The following MKX variants were observed in gnomAD, a reference collection of about 807,000 sequenced individuals.
MKX encodes the protein homeobox protein Mohawk.
MKX carries 13 observed loss-of-function variants against 36.0 expected under a neutral mutation model. The ratio of observed to expected loss-of-function variants is 0.36; its 90% CI spans 0.24 to 0.57. The LOEUF (loss-of-function observed/expected upper bound fraction) is 0.57, where lower values mean the gene tolerates loss of function less well. Among genes scored for constraint, MKX ranks in the 20% least tolerant of loss-of-function variants. The pLI, the probability that MKX is intolerant of heterozygous loss-of-function variation, is 0.79. For missense variants in MKX, 458 were observed against 456.4 expected, an observed-to-expected ratio of 1.00 and a Z score of -0.03; for synonymous variants, 176 against 178.3, an observed-to-expected ratio of 0.99 and a Z score of 0.10.
intron 5 of MKX, among the ~76,000 whole-genome samples, chr10:27,708,336 G>A (rs533338308): frequency 2.6e-5 from 4 of 151,996 alleles, no homozygotes; most frequent in Non-Finnish European, 4.4e-5. Context: ...GCCTTCTCCC[G>A]TATACCTAAG....
chr10:27,689,615 C>T (rs182520525), intron 5 of MKX, among the ~76,000 whole-genome samples: 164 of 152,140 alleles, frequency 1.1e-3, no homozygotes, highest in Non-Finnish European at 1.9e-3. Context: ...ACTCCTTGCC[C>T]GTGGGAAGGT....
chr10:27,690,723 A>T (rs1299318328), intron 5 of MKX, among the ~76,000 whole-genome samples: 1 of 152,052 alleles, frequency 6.6e-6, no homozygotes, highest in Non-Finnish European at 1.5e-5. Flanking sequence ...GGTGCAAATC[A>T]TCCTTTGTTA....
intron 5 of MKX, among the ~76,000 whole-genome samples, chr10:27,723,922 T>C (rs1168656466): frequency 6.6e-6 from 1 of 152,236 alleles, no homozygotes; most frequent in African/African-American, 2.4e-5. Context: ...CAGTTCTTAA[T>C]ACACAGGCAA....
intron 5 of MKX, among the ~76,000 whole-genome samples, chr10:27,685,592 G>C (rs1204748303): frequency 6.6e-6 from 1 of 152,056 alleles, no homozygotes; most frequent in Non-Finnish European, 1.5e-5. Flanking sequence ...GGGACTACAG[G>C]CGCCCGCCAC....
intron 5 of MKX, among the ~76,000 whole-genome samples, chr10:27,676,386 T>C (rs886621667): frequency 6.7e-6 from 1 of 148,990 alleles, no homozygotes; most frequent in African/African-American, 2.5e-5. Context: ...TTTTCTTTTT[T>C]TTTTTTTTTG....
At chr10:27,725,743 T>C (rs1184028634) in intron 5 of MKX, among the ~76,000 whole-genome samples, 3 of 152,052 alleles carry the variant, frequency 2.0e-5, no homozygotes, top group African/African-American at 4.8e-5. Context: ...GTTATTTTCA[T>C]AGACAGTAAA....
intron 5 of MKX, among the ~76,000 whole-genome samples, chr10:27,676,031 G>A (rs1007296578): frequency 2.6e-5 from 4 of 152,194 alleles, no homozygotes; most frequent in Non-Finnish European, 5.9e-5. Flanking sequence ...AGCACTTTGG[G>A]AGGCCAAGGC....
Position 27,734,504 on chromosome 10 carries a change from C to T in MKX, c.790G>A (p.Val264Met), listed in dbSNP as rs748459500. 1.4e-5 allele frequency: 22 copies of T among 1,614,084 alleles called. 1 individual carries two copies. In the South Asian group the frequency reaches 2.3e-4, roughly 17 times the overall value. ...TCAGTTTCTGATGACGATGGAGACA[C>T]TAATTCTTCCTCAAATTCATTGGAG... ...FSSNEFEEELVSPSSSETEGN... is the reference protein window; with the variant it reads ...FSSNEFEEELMSPSSSETEGN... Residue 264 changes from valine to methionine, a missense_variant, in exon 5 of 7, where the codon GTG becomes ATG. Val to Met is a conservative substitution (Grantham distance 21). Transcript: ENST00000419761.
chr10:27,742,919 A>C lies in MKX; in HGVS notation c.188+309T>G, dbSNP rs1242221559. ...CCCTCAGCCGCGCACCGGCACCCAC[A>C]GTCCGGAGAGGGGCAAATAACCCCC... On this transcript the variant is annotated intron_variant, in intron 2 of 6. Transcript: ENST00000419761. This position sits in a 1 kb window ranked among gnomAD's most constrained non-coding sequence, Gnocchi z 4.2. Among the ~76,000 whole-genome samples the C allele has an allele frequency of 6.6e-6, 1 of 152,182 alleles. No individual in the cohort carries two copies. Among genetic ancestry groups the C allele is most frequent in the Non-Finnish European group, 1.5e-5 (1 of 68,028 alleles).
intron 5 of MKX, among the ~76,000 whole-genome samples, chr10:27,719,978 CAAA>C (rs201683975): frequency 3.5e-5 from 3 of 84,560 alleles, no homozygotes; most frequent in African/African-American, 3.5e-5. Context: ...AACAGAGTCT[CAAA>C]AAAAAAAAAA....
At chr10:27,682,847 CAGTCACCTG>C (rs1249626044) in intron 5 of MKX, among the ~76,000 whole-genome samples, 1 of 151,998 alleles carries the variant, frequency 6.6e-6, no homozygotes, top group African/African-American at 2.4e-5. Context: ...GGCATGGTGG[CAGTCACCTG>C]TAATCCCAGC....
chr10:27,741,497 G>T lies in MKX; in HGVS notation c.196C>A (p.Gln66Lys), dbSNP rs201234144. The change falls in exon 3 of 7, where the codon CAG (glutamine) becomes AAG (lysine). Residue 66 changes from glutamine (Q) to lysine (K), a missense_variant. By Grantham distance (53) the Gln-to-Lys change is moderately conservative (BLOSUM62 1). Around this residue, in one of 3 missense-constraint regions of MKX, gnomAD observed 149 missense variants for 114.3 expected, o/e 1.30. Coordinates refer to ENST00000419761, the MANE Select transcript of MKX (RefSeq NM_173576.3). The surrounding 1 kb of genome is among the most constrained non-coding windows in gnomAD (Gnocchi z 5.1). ...TTGTGCCTCACCTTCCCGCCATTCT[G>T]CCGGGCGCTGGGACATGGGGAGAGG... The part of the protein sequence containing the change: ...GLRHRRTGAR[Q>K]NGGKVRHKRQ... 18 of 1,592,098 alleles carry T rather than the reference G, an allele frequency of 1.1e-5. No homozygotes were observed. Among genetic ancestry groups the T allele is most frequent in the Non-Finnish European group, 1.4e-5 (16 of 1,171,686 alleles).
At chr10:27,718,641 TAAC>T (rs1211171562) in intron 5 of MKX, 2 of 398,454 alleles carry the variant, frequency 5.0e-6, no homozygotes, top group African/African-American at 4.2e-5. Flanking sequence ...GCTACAAGCT[TAAC>T]GACATAGTAA....
intron 5 of MKX, among the ~76,000 whole-genome samples, chr10:27,731,967 C>T (rs1055102978): frequency 7.2e-6 from 1 of 139,696 alleles, no homozygotes; most frequent in African/African-American, 2.6e-5. Flanking sequence ...ATTACTCTGT[C>T]TCATTAAAAT....
At chr10:27,677,214 G>A (rs75833163) in intron 5 of MKX, among the ~76,000 whole-genome samples, 3,418 of 152,206 alleles carry the variant, frequency 0.022, 56 homozygotes, top group Non-Finnish European at 0.03. Flanking sequence ...CTGCACACAG[G>A]AAACCTGGAA....
In MKX at chr10:27,675,403, T is replaced by C; in HGVS notation, c.885A>G (p.Arg295=). The change falls in exon 7 of 7, where the codon AGA becomes AGG. Residue 295 remains arginine (R), a synonymous_variant. Coordinates refer to ENST00000419761, the MANE Select transcript of MKX (RefSeq NM_173576.3). ...ACGTGTCATCCTTGCTTGGTCCTTT[T>C]CTGTTAGCTGCGCTGGAGTTAAGCA... is the stretch of plus-strand genomic sequence containing the variant. The part of the protein sequence containing the change: ...GSNKGESAAN[R]KGPSKDDTYW... The C allele has an allele frequency of 6.2e-7, 1 of 1,614,180 alleles. No homozygotes were observed.
chr10:27,698,386 T>C lies in MKX; in HGVS notation c.839-22832A>G, dbSNP rs1234550381. ...AGATTGAAGGAGCCAGGCGGGATCA[T>C]GGCAGGAGCCCAGGGGAGATGCGAG... On this transcript the variant is annotated intron_variant, in intron 5 of 6. Transcript: ENST00000419761. Among the ~76,000 whole-genome samples the C allele has an allele frequency of 2.6e-5, 4 of 152,270 alleles. No individual in the cohort carries two copies. The East Asian group carries it at 5.8e-4, about 22-fold the overall frequency.
At chr10:27,728,335 T>A (rs779973947) in intron 5 of MKX, among the ~76,000 whole-genome samples, 10 of 152,210 alleles carry the variant, frequency 6.6e-5, no homozygotes, top group Non-Finnish European at 1.3e-4. Context: ...GCCGTAAGAC[T>A]TTTTTAAGCT....
intron 5 of MKX, among the ~76,000 whole-genome samples, chr10:27,699,514 C>T (rs558329615): frequency 4.6e-5 from 7 of 152,282 alleles, no homozygotes; most frequent in Admixed American, 6.5e-5. Context: ...AGAACGAATA[C>T]GTCAATAACG....
Sources: allele counts gnomAD v4.1 joint callset (sites outside exome capture counted in the v4.1 genomes callset), GRCh38; gene constraint gnomAD v4.1.1; regional missense constraint gnomAD v4.1.1; non-coding constraint Gnocchi (gnomAD v3.1); transcripts MANE v1.5; gene names NCBI Gene and HGNC (gene_info 2026-07-23, HGNC 2026-07-21).